The following VPS13B variants were observed in gnomAD, a reference collection of about 807,000 sequenced individuals.
The protein encoded by VPS13B is vacuolar protein sorting 13 homolog B, also known as intermembrane lipid transfer protein VPS13B.
In VPS13B, 285 loss-of-function variants were observed where a neutral mutation model predicts 426.4. The ratio of observed to expected loss-of-function variants is 0.67; its 90% confidence interval spans 0.61 to 0.74. The LOEUF (loss-of-function observed/expected upper bound fraction) is 0.74, where lower values mean the gene tolerates loss of function less well. Ranked by LOEUF, VPS13B falls within the 30% of genes least tolerant of loss-of-function variation. The pLI is 0.00. For synonymous variants in VPS13B, 1,676 were observed against 1,676.4 expected, an observed-to-expected ratio of 1.00 and a Z score of 0.01; for missense variants, 4,537 against 4,782.6, an observed-to-expected ratio of 0.95 and a Z score of 1.51.
At chr8:99,697,726 C>T (rs1292526727) in intron 35 of VPS13B, 5 of 623,700 alleles carry the variant, frequency 8.0e-6, no homozygotes, top group African/African-American at 3.7e-5. Flanking sequence ...GCAAGCTGGG[C>T]CTGGCCTAGG....
At chr8:99,515,740 A>G (rs1486563897) in intron 29 of VPS13B, among the ~76,000 whole-genome samples, 1 of 152,126 alleles carries the variant, frequency 6.6e-6, no homozygotes, top group Non-Finnish European at 1.5e-5. Context: ...GCTAGGTCAA[A>G]GGATTCCATA....
intron 30 of VPS13B, among the ~76,000 whole-genome samples, chr8:99,554,379 C>T (rs1387791670): frequency 6.6e-6 from 1 of 152,022 alleles, no homozygotes; most frequent in Non-Finnish European, 1.5e-5. Flanking sequence ...TCAACTGCCT[C>T]AGATATTTGC....
At chr8:99,821,219 A>G (rs1457456459) in intron 49 of VPS13B, 75 bp from the exon 50 acceptor site, 7 of 1,504,402 alleles carry the variant, frequency 4.7e-6, no homozygotes, top group Non-Finnish European at 5.4e-6. Flanking sequence ...ATATTAAAAA[A>G]AAAATCCTGA....
At chr8:99,230,968 CA>C (rs1467134876) in intron 17 of VPS13B, among the ~76,000 whole-genome samples, 1 of 152,188 alleles carries the variant, frequency 6.6e-6, no homozygotes, top group Non-Finnish European at 1.5e-5. Flanking sequence ...TTATATCTAG[CA>C]GCCTAACATT....
At chr8:99,663,248 G>A (rs1412221579) in intron 35 of VPS13B, among the ~76,000 whole-genome samples, 1 of 152,206 alleles carries the variant, frequency 6.6e-6, no homozygotes, top group Non-Finnish European at 1.5e-5. Context: ...GGATTAAACA[G>A]AGACTGAAAC....
intron 39 of VPS13B, among the ~76,000 whole-genome samples, chr8:99,747,223 T>C (rs1387364246): frequency 2.0e-5 from 3 of 151,458 alleles, no homozygotes; most frequent in Non-Finnish European, 4.4e-5. Flanking sequence ...TACAGATGTC[T>C]GTCAGGGATG....
intron 33 of VPS13B, among the ~76,000 whole-genome samples, chr8:99,600,180 C>CT (rs1827215326): frequency 6.6e-6 from 1 of 152,086 alleles, no homozygotes; most frequent in South Asian, 2.1e-4. Flanking sequence ...AGACAGTAGT[C>CT]TAAGTGTTTT....
At chr8:99,173,527 G>A (rs967495799) in intron 16 of VPS13B, among the ~76,000 whole-genome samples, 2 of 152,160 alleles carry the variant, frequency 1.3e-5, no homozygotes, top group Non-Finnish European at 2.9e-5. Flanking sequence ...CTATACTTGA[G>A]TGTTTTTAAT....
At chr8:99,795,874 C>G (rs998985485) in intron 43 of VPS13B, among the ~76,000 whole-genome samples, 1 of 152,290 alleles carries the variant, frequency 6.6e-6, no homozygotes, top group African/African-American at 2.4e-5. Context: ...TCTTTTATGT[C>G]CTAGCCTCAG....
chr8:99,397,691 C>T (rs1588330547), intron 21 of VPS13B, among the ~76,000 whole-genome samples: 1 of 152,306 alleles, frequency 6.6e-6, no homozygotes, highest in African/African-American at 2.4e-5. Flanking sequence ...GAGTGGCCTT[C>T]ATTGCCAGGC....
intron 2 of VPS13B, among the ~76,000 whole-genome samples, chr8:99,020,276 G>A (rs1328373330): frequency 1.3e-5 from 2 of 151,922 alleles, no homozygotes; most frequent in Non-Finnish European, 2.9e-5. Context: ...AGCTATGTTT[G>A]TCTTCTTTGG....
At chr8:99,823,592 A>G (rs1339834478) in intron 50 of VPS13B, among the ~76,000 whole-genome samples, 2 of 152,222 alleles carry the variant, frequency 1.3e-5, no homozygotes, top group African/African-American at 4.8e-5. Context: ...ATCTGTCACT[A>G]CAGAACAGCA....
chr8:99,234,527 T>A lies in VPS13B; in HGVS notation c.2516-39671T>A, dbSNP rs1341683340. On this transcript the variant is annotated intron_variant, in intron 17 of 61. Transcript: ENST00000357162. Reference sequence around the variant, plus strand: ...GGAAGGGGCTTCCGCGGGGTTGGGGTTCAGGGGCCGCAGGGCTGGGGTTCG... The same window carrying A: ...GGAAGGGGCTTCCGCGGGGTTGGGGATCAGGGGCCGCAGGGCTGGGGTTCG... 8 of 485,508 alleles carry A rather than the reference T, an allele frequency of 1.6e-5. 1 individual carries two copies. The highest frequency in any genetic ancestry group is 1.1e-4 in the East Asian group (2 of 17,462). 30.1% of individuals were successfully genotyped at this position (485,508 alleles called of 1,614,324 possible).
intron 20 of VPS13B, among the ~76,000 whole-genome samples, chr8:99,385,293 T>C (rs1394382774): frequency 6.6e-6 from 1 of 152,236 alleles, no homozygotes; most frequent in African/African-American, 2.4e-5. Flanking sequence ...ATTCGTGCTT[T>C]ATTGAATTAT....
intron 31 of VPS13B, 131 bp from the exon 32 acceptor site, chr8:99,575,527 C>T: frequency 9.3e-7 from 1 of 1,073,330 alleles, no homozygotes; most frequent in Non-Finnish European, 1.4e-6. Context: ...GTAAAATATG[C>T]AAATAGGCAC....
At chr8:99,647,858 A>G (rs1829654751) in intron 34 of VPS13B, among the ~76,000 whole-genome samples, 1 of 152,134 alleles carries the variant, frequency 6.6e-6, no homozygotes, top group African/African-American at 2.4e-5. Context: ...ATGCTTCTAG[A>G]AAGATGGAAA....
chr8:99,868,240 T>C, intron 58 of VPS13B, 49 bp from the exon 59 acceptor site: 1 of 1,612,442 alleles, frequency 6.2e-7, no homozygotes, highest in Non-Finnish European at 8.5e-7. Context: ...CCTTTCATTT[T>C]CCGAGGATTT....
chr8:99,776,719 A>G (rs1811759922), intron 40 of VPS13B, 56 bp from the exon 41 acceptor site: 2 of 1,559,750 alleles, frequency 1.3e-6, no homozygotes, highest in Admixed American at 1.7e-5. Flanking sequence ...CGTTTCACTC[A>G]TATAATATTG....
At chr8:99,444,161 C>G (rs1817805976) in intron 23 of VPS13B, among the ~76,000 whole-genome samples, 1 of 151,826 alleles carries the variant, frequency 6.6e-6, no homozygotes, top group African/African-American at 2.4e-5. Context: ...TACAGTGGCA[C>G]AATCCCGGCT....
Sources: gnomAD v4.1 joint callset for allele counts (sites outside exome capture counted in the v4.1 genomes callset) on GRCh38, gnomAD v4.1.1 for gene constraint, MANE v1.5 for transcripts, NCBI Gene and HGNC (gene_info 2026-07-23, HGNC 2026-07-21) for gene names.